The following FAM167A variants were observed in gnomAD, a reference collection of about 807,000 sequenced individuals.
FAM167A encodes family with sequence similarity 167 member A, also known as protein FAM167A.
A neutral mutation model predicts 14.9 loss-of-function variants in FAM167A; 23 were observed. The observed-to-expected ratio is 1.55, with a 90% CI of 1.11 to 2.19. The LOEUF is 2.19. Among genes scored for constraint, FAM167A ranks in the 30% most tolerant of loss-of-function variants. The pLI is 0.00. For missense variants in FAM167A, 401 were observed against 281.5 expected, an observed-to-expected ratio of 1.42 and a Z score of -3.04; for synonymous variants, 174 against 117.7, an observed-to-expected ratio of 1.48 and a Z score of -3.10.
chr8:11,438,564 A>C (rs1014336997), intron 2 of FAM167A: 2 of 452,850 alleles, frequency 4.4e-6, no homozygotes, highest in Non-Finnish European at 8.8e-6. Flanking sequence ...TTGATTATAC[A>C]TGATATATTC....
intron 1 of FAM167A, among the ~76,000 whole-genome samples, chr8:11,474,976 A>G (rs1252600625): frequency 6.6e-6 from 1 of 152,056 alleles, no homozygotes. Context: ...AGTGGGTTGC[A>G]CTCTGCCCAG....
chr8:11,429,303 G>C (rs1389357202), intron 2 of FAM167A, among the ~76,000 whole-genome samples: 3 of 152,210 alleles, frequency 2.0e-5, no homozygotes, highest in South Asian at 2.1e-4. Context: ...TCTTTTTAGA[G>C]ATTTGCAATG....
At chr8:11,432,628 G>C (rs964080051) in intron 2 of FAM167A, among the ~76,000 whole-genome samples, 1 of 152,170 alleles carries the variant, frequency 6.6e-6, no homozygotes, top group Non-Finnish European at 1.5e-5. Flanking sequence ...GTGAAAATTA[G>C]TTCAACCATT....
At chr8:11,439,748 C>G (rs936413967) in intron 2 of FAM167A, among the ~76,000 whole-genome samples, 1 of 152,204 alleles carries the variant, frequency 6.6e-6, no homozygotes, top group African/African-American at 2.4e-5. Flanking sequence ...GGTTTTCATC[C>G]TGGCACTGCA....
intron 1 of FAM167A, among the ~76,000 whole-genome samples, chr8:11,455,592 G>A (rs1807216085): frequency 7.0e-6 from 1 of 143,200 alleles, no homozygotes; most frequent in African/African-American, 2.6e-5. Flanking sequence ...GTGTGGGATG[G>A]TTGCCTCACC....
At position 11,444,497 on chromosome 8, in the gene FAM167A, C is replaced by G. The variant is rs1406176548; in HGVS notation, c.-86G>C. ...GTGGGTGGCACAGTTGGGTCCCGCT[C>G]TGGGATGGCCTCATCCAGGTGCCCG... is the stretch of plus-strand genomic sequence containing the variant. On this transcript the variant is annotated 5_prime_UTR_variant, in exon 2 of 3. Transcript: ENST00000284486. 1 of 1,490,940 alleles carries G rather than the reference C, an allele frequency of 6.7e-7. No individual in the cohort carries two copies. Among genetic ancestry groups the G allele is most frequent in the African/African-American group, 1.4e-5 (1 of 71,220 alleles). The allele number at this position is 1,490,940 out of a possible 1,614,324, so 92.4% of individuals were successfully genotyped here.
At chr8:11,452,146 G>A (rs1807052541) in intron 1 of FAM167A, among the ~76,000 whole-genome samples, 1 of 152,178 alleles carries the variant, frequency 6.6e-6, no homozygotes, top group Admixed American at 6.5e-5. Context: ...CCACAGGGTG[G>A]ATGGTCACTG....
intron 1 of FAM167A, among the ~76,000 whole-genome samples, chr8:11,463,324 A>T (rs1236342132): frequency 1.3e-5 from 2 of 152,202 alleles, no homozygotes; most frequent in Non-Finnish European, 2.9e-5. Flanking sequence ...CGTGGAGCTG[A>T]TCACAAGACT....
intron 2 of FAM167A, among the ~76,000 whole-genome samples, chr8:11,432,483 G>C (rs536284732): frequency 1.3e-5 from 2 of 152,184 alleles, no homozygotes; most frequent in Non-Finnish European, 2.9e-5. Flanking sequence ...ATCATCACTG[G>C]TCATTAGAGA....
Position 11,423,921 on chromosome 8 carries a change from C to A in FAM167A, c.*452G>T, listed in dbSNP as rs1202334086. 5.5e-6 allele frequency: 1 copy of A among 183,168 alleles called. No homozygotes were observed. The highest frequency in any genetic ancestry group is 2.3e-5 in the African/African-American group (1 of 42,740). 11.3% of individuals were successfully genotyped at this position (183,168 alleles called of 1,614,324 possible). A position where few individuals can be genotyped will look rare whatever the true frequency, so the allele number is the denominator to read the frequency against. On this transcript the variant is annotated 3_prime_UTR_variant, in exon 3 of 3. Coordinates refer to ENST00000284486, the MANE Select transcript of FAM167A (RefSeq NM_053279.3). ...TGAATTTGAGACAATACTTAGAGGACAGCAACAGCACGTGAGACAGGCACA... is the reference window on the plus strand; with the variant it reads ...TGAATTTGAGACAATACTTAGAGGAAAGCAACAGCACGTGAGACAGGCACA...
At chr8:11,457,429 A>G (rs1477071437) in intron 1 of FAM167A, among the ~76,000 whole-genome samples, 1 of 151,720 alleles carries the variant, frequency 6.6e-6, no homozygotes, top group Non-Finnish European at 1.5e-5. Context: ...TCTCCACGCA[A>G]ACCCCAGCCT....
intron 2 of FAM167A, among the ~76,000 whole-genome samples, chr8:11,437,711 G>A (rs539565268): frequency 6.6e-6 from 1 of 152,210 alleles, no homozygotes; most frequent in Non-Finnish European, 1.5e-5. Context: ...CGCTCTAGGT[G>A]CCTCACCCAG....
chr8:11,472,796 C>G (rs1483707401), intron 1 of FAM167A, among the ~76,000 whole-genome samples: 1 of 152,196 alleles, frequency 6.6e-6, no homozygotes, highest in Admixed American at 6.5e-5. Context: ...TTTCTTTTCA[C>G]TAGAACGAGT....
intron 1 of FAM167A, among the ~76,000 whole-genome samples, chr8:11,447,938 G>A (rs1234016266): frequency 2.0e-5 from 3 of 152,230 alleles, no homozygotes; most frequent in Non-Finnish European, 2.9e-5. Context: ...GCTCATATCT[G>A]TAATCCCAGC....
chr8:11,466,868 G>A (rs1296269404), upstream of FAM167A: 3 of 152,186 alleles, frequency 2.0e-5, no homozygotes, highest in African/African-American at 7.2e-5. Flanking sequence ...CCGGCCTCGC[G>A]TTCTCGCCCC....
intron 2 of FAM167A, among the ~76,000 whole-genome samples, chr8:11,431,653 C>A (rs1389611320): frequency 6.6e-6 from 1 of 152,108 alleles, no homozygotes; most frequent in African/African-American, 2.4e-5. Flanking sequence ...TCCAGGGGAC[C>A]TCCTTAGTCC....
intron 1 of FAM167A, among the ~76,000 whole-genome samples, chr8:11,450,806 C>A (rs1806993246): frequency 6.6e-6 from 1 of 152,226 alleles, no homozygotes; most frequent in African/African-American, 2.4e-5. Context: ...CCCAGGCTTC[C>A]TGGGATGGTG....
chr8:11,445,050 T>C, intron 1 of FAM167A: 1 of 885,012 alleles, frequency 1.1e-6, no homozygotes. Flanking sequence ...CCGCCTCTAC[T>C]ATCTTATTTA....
intron 2 of FAM167A, among the ~76,000 whole-genome samples, chr8:11,439,866 C>T (rs948983754): frequency 5.9e-5 from 9 of 152,106 alleles, no homozygotes; most frequent in African/African-American, 2.2e-4. Flanking sequence ...GTCCCTGCTC[C>T]CCTGTGCTGA....
Sources: gnomAD v4.1 joint callset for allele counts (sites outside exome capture counted in the v4.1 genomes callset) on GRCh38, gnomAD v4.1.1 for gene constraint, MANE v1.5 for transcripts, NCBI Gene and HGNC (gene_info 2026-07-23, HGNC 2026-07-21) for gene names.